The following ZP3 variants were observed in gnomAD, a reference collection of about 807,000 sequenced individuals.
ZP3 encodes the protein zona pellucida sperm-binding protein 3.
ZP3 carries 21 observed loss-of-function variants against 35.6 expected under a neutral mutation model. The ratio of observed to expected loss-of-function variants is 0.59; its 90% CI spans 0.42 to 0.85. ZP3 has a LOEUF of 0.85. Among genes scored for constraint, ZP3 ranks in the 40% least tolerant of loss-of-function variants. ZP3 has a pLI of 0.00. For synonymous variants in ZP3, 207 were observed against 214.5 expected (o/e 0.96, Z 0.31); for missense variants, 437 against 536.5 (o/e 0.81, Z 1.83).
At chr7:76,422,941 G>A (rs975435322), upstream of ZP3, among the ~76,000 whole-genome samples, 68 of 150,550 alleles carry the variant, frequency 4.5e-4, no homozygotes, top group African/African-American at 1.5e-3. Flanking sequence ...AGGTTGCAGT[G>A]AGTCGAGATA....
intron 2 of ZP3, among the ~76,000 whole-genome samples, chr7:76,432,535 C>G (rs1431669349): frequency 2.0e-5 from 3 of 152,074 alleles, no homozygotes; most frequent in Admixed American, 6.6e-5. Context: ...AGGCTGCTCT[C>G]AAACTCCTAG....
At chr7:76,417,625 T>C (rs565027958) in intron 1 of ZP3, among the ~76,000 whole-genome samples, 258 of 151,874 alleles carry the variant, frequency 1.7e-3, no homozygotes, top group African/African-American at 6.0e-3. Flanking sequence ...TTTTTTTTTT[T>C]TTCGAGACAA....
chr7:76,438,115 T>C (rs1457808245), intron 5 of ZP3, among the ~76,000 whole-genome samples: 1 of 152,262 alleles, frequency 6.6e-6, no homozygotes, highest in Non-Finnish European at 1.5e-5. Flanking sequence ...AGAATTGCCA[T>C]GCTCTGCCCG....
chr7:76,420,425 T>C (rs780991812), upstream of ZP3, among the ~76,000 whole-genome samples: 83 of 152,174 alleles, frequency 5.5e-4, no homozygotes, highest in African/African-American at 1.8e-3. Context: ...AGCTAAAACA[T>C]GTTGGGATCT....
intron 1 of ZP3, among the ~76,000 whole-genome samples, chr7:76,405,270 A>AC (rs1563686732): frequency 5.4e-5 from 1 of 18,590 alleles, no homozygotes; most frequent in African/African-American, 1.7e-4. Context: ...CACCCAGCTA[A>AC]TTATATATAT....
chr7:76,422,036 A>G (rs1320778562), upstream of ZP3, among the ~76,000 whole-genome samples: 1 of 152,110 alleles, frequency 6.6e-6, no homozygotes, highest in African/African-American at 2.4e-5. Flanking sequence ...AGCTGGGATT[A>G]CAGGCATGTG....
At chr7:76,426,907 C>CACACACACACACACACACACACACAA (rs57796274) in intron 1 of ZP3, among the ~76,000 whole-genome samples, 5,020 of 126,612 alleles carry the variant, frequency 0.04, 221 homozygotes, top group Non-Finnish European at 0.056. Context: ...CACACACACA[C>CACACACACACACACACACACACACAA]AATAGGGTGT....
chr7:76,404,438 A>G (rs756940193), intron 1 of ZP3: 2 of 1,613,926 alleles, frequency 1.2e-6, no homozygotes, highest in South Asian at 1.1e-5. Flanking sequence ...TTCCTTGTGC[A>G]TCTAGATGGT....
At chr7:76,401,151 C>T in intron 1 of ZP3, 1 of 1,386,176 alleles carries the variant, frequency 7.2e-7, no homozygotes, top group Non-Finnish European at 9.6e-7. Flanking sequence ...CCCCCATCTT[C>T]TTGGACTTCA....
intron 5 of ZP3, 55 bp from the exon 6 acceptor site, chr7:76,440,195 A>G: frequency 6.4e-7 from 1 of 1,561,796 alleles, no homozygotes; most frequent in African/African-American, 1.4e-5. Flanking sequence ...CTGGTGTGTT[A>G]AACTCCCAGG....
intron 5 of ZP3, among the ~76,000 whole-genome samples, chr7:76,439,543 C>CA (rs1336416860): frequency 4.0e-5 from 6 of 150,062 alleles, no homozygotes; most frequent in Admixed American, 2.0e-4. Flanking sequence ...CTCATCTCTG[C>CA]AAAAAATCCA....
In ZP3 at chr7:76,405,350, T is replaced by C. The variant is rs1424622060; in HGVS notation, c.-67+7553T>C. 2.1e-3 allele frequency among the ~76,000 whole-genome samples: 237 copies of C among 114,256 alleles called. 12 individuals are homozygous for C. The highest frequency in any genetic ancestry group is 6.8e-3 in the African/African-American group (217 of 31,702). The allele number at this position is 114,256 out of a possible 152,430, so 75.0% of individuals were successfully genotyped here. On this transcript the variant is annotated intron_variant, in intron 1 of 8. Transcript: ENST00000336517. ...TTCTTTCTTTCTTTCTTTTTTTTTTTTTTTTTTTTTTGGTAGAGAGGGTGT... is the reference window on the plus strand; with the variant it reads ...TTCTTTCTTTCTTTCTTTTTTTTTTCTTTTTTTTTTTGGTAGAGAGGGTGT...
intron 2 of ZP3, among the ~76,000 whole-genome samples, chr7:76,431,677 A>G (rs1419533066): frequency 6.6e-6 from 1 of 152,134 alleles, no homozygotes; most frequent in Non-Finnish European, 1.5e-5. Context: ...AGGCGGGCGG[A>G]TCATGAGGTC....
At position 76,404,540 on chromosome 7, in the gene ZP3, C is replaced by G. The variant is rs1024386865; in HGVS notation, c.-67+6743C>G. ...AAGATCCCAAATGTTGCTGGGCCTC[C>G]CAGCACTTTGGGAGGCCGAGGTGGG... On this transcript the variant is annotated intron_variant, in intron 1 of 8. Coordinates refer to the ZP3 transcript ENST00000336517. 10 of 1,586,838 alleles carry G rather than the reference C, an allele frequency of 6.3e-6. No homozygotes were observed. The African/African-American group carries it at 1.3e-4, about 21-fold the overall frequency.
At chr7:76,408,749 G>A (rs1805129088) in intron 1 of ZP3, among the ~76,000 whole-genome samples, 1 of 152,138 alleles carries the variant, frequency 6.6e-6, no homozygotes, top group African/African-American at 2.4e-5. Flanking sequence ...CACGCCCAAG[G>A]GAACACTGGC....
chr7:76,397,914 A>G, intron 1 of ZP3: 1 of 1,374,138 alleles, frequency 7.3e-7, no homozygotes, highest in Non-Finnish European at 9.7e-7. Flanking sequence ...CCGGTGTCCC[A>G]GGATCTACAA....
intron 1 of ZP3, among the ~76,000 whole-genome samples, chr7:76,411,540 G>C (rs1433934796): frequency 2.0e-5 from 3 of 151,984 alleles, no homozygotes; most frequent in Admixed American, 6.6e-5. Context: ...CTGCACTCCA[G>C]CCTGGGTGAC....
upstream of ZP3, among the ~76,000 whole-genome samples, chr7:76,420,268 C>A (rs1376102307): frequency 6.6e-6 from 1 of 152,100 alleles, no homozygotes; most frequent in Non-Finnish European, 1.5e-5. Flanking sequence ...CCTCCTGCTT[C>A]GGCCTCCCAA....
chr7:76,406,029 A>C lies in ZP3; in HGVS notation c.-67+8232A>C, dbSNP rs147045876. ...TTGATGGAGTCTCGCTCTGTCGTCC[A>C]GGCTGGAATGCAATGGTGCGATCTC... On this transcript the variant is annotated intron_variant, in intron 1 of 8. Transcript: ENST00000336517. Among the ~76,000 whole-genome samples, 604 of 148,276 alleles carry C rather than the reference A, an allele frequency of 4.1e-3. 5 individuals are homozygous for C. The highest frequency in any genetic ancestry group is 0.014 in the African/African-American group (572 of 39,992).
Sources: allele counts gnomAD v4.1 joint callset (sites outside exome capture counted in the v4.1 genomes callset), GRCh38; gene constraint gnomAD v4.1.1; transcripts MANE v1.5; gene names NCBI Gene and HGNC (gene_info 2026-07-23, HGNC 2026-07-21).